The following IQSEC3 variants were observed in gnomAD, a reference collection of about 807,000 sequenced individuals.
IQSEC3 encodes IQ motif and SEC7 domain-containing protein 3.
A neutral mutation model predicts 105.4 loss-of-function variants in IQSEC3; 50 were observed. The ratio of observed to expected loss-of-function variants is 0.47; its 90% CI spans 0.38 to 0.60. The LOEUF (loss-of-function observed/expected upper bound fraction) is 0.60, where lower values mean the gene tolerates loss of function less well. IQSEC3 is among the 20% of genes least tolerant of loss of function. IQSEC3 has a pLI of 0.00. For synonymous variants in IQSEC3, 708 were observed against 746.0 expected (o/e 0.95, Z 0.83); for missense variants, 1,415 against 1,630.0 (o/e 0.87, Z 2.27).
At chr12:90,625 A>C (rs1302898454) in intron 1 of IQSEC3, among the ~76,000 whole-genome samples, 1 of 152,202 alleles carries the variant, frequency 6.6e-6, no homozygotes, top group Non-Finnish European at 1.5e-5. Flanking sequence ...CCAAGGGTCA[A>C]TTTATGATAT....
At position 175,040 on chromosome 12, in the gene IQSEC3, C is replaced by T. The variant is rs1485620647; in HGVS notation, c.*7C>T. On this transcript the variant is annotated 3_prime_UTR_variant, in exon 14 of 14. Coordinates refer to ENST00000538872, the MANE Select transcript of IQSEC3 (RefSeq NM_001170738.2). ...CTCAAGGAGCCTGGTGTAGACTCTG[C>T]CCCACCACCCTGCTGTCCTGGGAGG... 2 of 1,512,720 alleles carry T rather than the reference C, an allele frequency of 1.3e-6. No homozygotes were observed. Among genetic ancestry groups the T allele is most frequent in the East Asian group, 2.4e-5 (1 of 42,372 alleles). 93.7% of individuals were successfully genotyped at this position (1,512,720 alleles called of 1,614,324 possible). A position where few individuals can be genotyped will look rare whatever the true frequency, so the allele number is the denominator to read the frequency against.
chr12:158,278 G>A (rs1448956107), intron 7 of IQSEC3, among the ~76,000 whole-genome samples: 1 of 152,058 alleles, frequency 6.6e-6, no homozygotes. Context: ...ATTAGTCGCT[G>A]CCCCTCTCAC....
At chr12:116,499 C>T (rs2136952905) in intron 2 of IQSEC3, among the ~76,000 whole-genome samples, 1 of 152,356 alleles carries the variant, frequency 6.6e-6, no homozygotes, top group South Asian at 2.1e-4. Flanking sequence ...GAACCTATTG[C>T]TTACTCAGGC....
chr12:104,790 A>T (rs1485223967), intron 2 of IQSEC3, among the ~76,000 whole-genome samples: 1 of 152,226 alleles, frequency 6.6e-6, no homozygotes, highest in Non-Finnish European at 1.5e-5. Context: ...ATAGCCCTGC[A>T]TTGGCATAGC....
At chr12:139,670 C>T in intron 4 of IQSEC3, 1 of 298,542 alleles carries the variant, frequency 3.3e-6, no homozygotes, top group Admixed American at 4.9e-5. Flanking sequence ...AAAGAAAAGA[C>T]AGTATTAAGT....
In IQSEC3 at chr12:175,346, C is replaced by T; in HGVS notation, c.*313C>T. 2.9e-6 allele frequency: 1 copy of T among 347,606 alleles called. No homozygotes were observed. Among genetic ancestry groups the T allele is most frequent in the Non-Finnish European group, 5.2e-6 (1 of 191,816 alleles). 21.5% of individuals were successfully genotyped at this position (347,606 alleles called of 1,614,324 possible). A position where few individuals can be genotyped will look rare whatever the true frequency, so the allele number is the denominator to read the frequency against. Reference sequence around the variant, plus strand: ...TGGACCATGGACTGAAGAAAACGAGCTGAGGGTCTAACGAGCTTGCAGGCT... The same window carrying T: ...TGGACCATGGACTGAAGAAAACGAGTTGAGGGTCTAACGAGCTTGCAGGCT... On this transcript the variant is annotated 3_prime_UTR_variant, in exon 14 of 14. Coordinates refer to ENST00000538872, the MANE Select transcript of IQSEC3 (RefSeq NM_001170738.2).
At chr12:129,215 C>T (rs1222137979) in intron 3 of IQSEC3, among the ~76,000 whole-genome samples, 2 of 152,196 alleles carry the variant, frequency 1.3e-5, no homozygotes, top group African/African-American at 4.8e-5. Flanking sequence ...GCAGGTGGTG[C>T]TCGGGACACC....
rs368622388 is a variant in IQSEC3, at chr12:97,212, T to A, written c.555-1934T>A. ...GCTGTTTTTTCTGCTGGGTTTGTCTTTGCACCATGAATGTGCTGGAGCTCA... is the reference window on the plus strand; with the variant it reads ...GCTGTTTTTTCTGCTGGGTTTGTCTATGCACCATGAATGTGCTGGAGCTCA... On this transcript the variant is annotated intron_variant, in intron 1 of 13. Coordinates refer to ENST00000538872, the MANE Select transcript of IQSEC3 (RefSeq NM_001170738.2). Among the ~76,000 whole-genome samples the A allele has an allele frequency of 1.8e-4, 27 of 152,360 alleles. No homozygotes were observed. In the East Asian group the frequency reaches 2.9e-3, roughly 16 times the overall value.
At chr12:162,906 G>A (rs963429095) in intron 8 of IQSEC3, among the ~76,000 whole-genome samples, 1 of 152,126 alleles carries the variant, frequency 6.6e-6, no homozygotes, top group African/African-American at 2.4e-5. Context: ...ACGGAGGGAA[G>A]CAGGTTGACA....
Position 90,614 on chromosome 12 carries a change from A to G in IQSEC3, c.555-8532A>G, listed in dbSNP as rs557168643. Among the ~76,000 whole-genome samples, 5 of 152,122 alleles carry G rather than the reference A, an allele frequency of 3.3e-5. No homozygotes were observed. The East Asian group carries it at 5.8e-4, about 18-fold the overall frequency. On this transcript the variant is annotated intron_variant, in intron 1 of 13. Transcript: ENST00000538872. ...CCTTTTTGAATGCCTTGGTACTTTT[A>G]CCAAGGGTCAATTTATGATATATGT...
chr12:156,281 C>G (rs1383808098), intron 5 of IQSEC3, among the ~76,000 whole-genome samples: 1 of 152,190 alleles, frequency 6.6e-6, no homozygotes, highest in Non-Finnish European at 1.5e-5. Context: ...CCTCCCTTTT[C>G]AGAAGGTCAC....
chr12:141,673 T>G, intron 5 of IQSEC3: 1 of 212,834 alleles, frequency 4.7e-6, no homozygotes, highest in Admixed American at 5.8e-5. Context: ...CCCAGGACCC[T>G]CCCATTCTCC....
intron 2 of IQSEC3, among the ~76,000 whole-genome samples, chr12:101,418 G>T (rs1456752543): frequency 6.6e-6 from 1 of 152,186 alleles, no homozygotes; most frequent in Non-Finnish European, 1.5e-5. Context: ...TTTCCAAGAG[G>T]TTTGTTCTTC....
intron 2 of IQSEC3, among the ~76,000 whole-genome samples, chr12:109,773 A>C (rs782318794): frequency 4.6e-5 from 7 of 151,798 alleles, no homozygotes; most frequent in Non-Finnish European, 1.0e-4. Flanking sequence ...TTCCTTTTGC[A>C]TTATTTTTCT....
intron 2 of IQSEC3, among the ~76,000 whole-genome samples, chr12:105,688 G>A (rs1451980260): frequency 6.6e-6 from 1 of 152,206 alleles, no homozygotes; most frequent in East Asian, 1.9e-4. Context: ...TTGACACTTT[G>A]GGAGGGCGTA....
intron 3 of IQSEC3, among the ~76,000 whole-genome samples, chr12:126,925 C>T (rs1260198412): frequency 6.6e-6 from 1 of 152,218 alleles, no homozygotes; most frequent in African/African-American, 2.4e-5. Flanking sequence ...CATATCCTGG[C>T]TCAGGCCAGC....
chr12:99,281 C>A, intron 2 of IQSEC3, 67 bp downstream of exon 2: 1 of 1,420,046 alleles, frequency 7.0e-7, no homozygotes, highest in Non-Finnish European at 9.7e-7. Flanking sequence ...AAAGCACGTA[C>A]CACTGCACTA....
intron 2 of IQSEC3, among the ~76,000 whole-genome samples, chr12:122,342 CAGG>C (rs782330513): frequency 1.3e-5 from 2 of 152,106 alleles, no homozygotes; most frequent in South Asian, 2.1e-4. Flanking sequence ...GAGACTGGCC[CAGG>C]AGGAGGACAC....
intron 1 of IQSEC3, among the ~76,000 whole-genome samples, chr12:92,477 A>C (rs1193457084): frequency 6.6e-6 from 1 of 152,094 alleles, no homozygotes; most frequent in African/African-American, 2.4e-5. Flanking sequence ...GCTGTGAGGT[A>C]GATTGGGGGC....
Sources: allele counts gnomAD v4.1 joint callset (sites outside exome capture counted in the v4.1 genomes callset), GRCh38; gene constraint gnomAD v4.1.1; transcripts MANE v1.5; gene names NCBI Gene and HGNC (gene_info 2026-07-23, HGNC 2026-07-21).